LIN7A: variants seen among roughly 807,000 people sequenced by gnomAD.
LIN7A encodes protein lin-7 homolog A.
A neutral mutation model predicts 29.8 loss-of-function variants in LIN7A; 25 were observed. The ratio of observed to expected loss-of-function variants is 0.84; its 90% CI spans 0.61 to 1.17. The LOEUF (loss-of-function observed/expected upper bound fraction) is 1.17, where lower values mean the gene tolerates loss of function less well. Ranked by LOEUF, LIN7A falls within the 50% of genes most tolerant of loss-of-function variation. The probability of loss-of-function intolerance (pLI) is 0.00; values close to 1 mark genes in which losing one functional copy is unlikely to be tolerated. For synonymous variants in LIN7A, 118 were observed against 107.5 expected, an observed-to-expected ratio of 1.10 and a Z score of -0.60; for missense variants, 239 against 287.0, an observed-to-expected ratio of 0.83 and a Z score of 1.21.
At chr12:80,920,898 G>A (rs1158960080) in intron 1 of LIN7A, among the ~76,000 whole-genome samples, 2 of 152,158 alleles carry the variant, frequency 1.3e-5, no homozygotes, top group African/African-American at 4.8e-5. Context: ...ATGCTATCTA[G>A]TTCTAATATC....
At chr12:80,937,600 A>G (rs957819206) in intron 1 of LIN7A, 41 bp downstream of exon 1, 1 of 1,341,830 alleles carries the variant, frequency 7.5e-7, no homozygotes, top group Non-Finnish European at 1.0e-6. Flanking sequence ...GGAGGAGGGG[A>G]GAGGGGACGC....
chr12:80,905,000 C>T (rs1027380506), intron 1 of LIN7A, among the ~76,000 whole-genome samples: 5 of 151,592 alleles, frequency 3.3e-5, no homozygotes, highest in African/African-American at 9.7e-5. Flanking sequence ...TTATTACTTG[C>T]TTTTATCTGT....
intron 2 of LIN7A, among the ~76,000 whole-genome samples, chr12:80,857,005 C>A (rs1173733900): frequency 1.3e-5 from 2 of 152,140 alleles, no homozygotes; most frequent in Non-Finnish European, 2.9e-5. Context: ...GAAGATCTGC[C>A]CGTGTGGTTG....
Position 80,845,941 on chromosome 12 carries a change from T to C in LIN7A, c.274-2A>G, listed in dbSNP as rs561591477. The C allele has an allele frequency of 6.6e-7, 1 of 1,509,124 alleles. No individual in the cohort carries two copies. The highest frequency in any genetic ancestry group is 8.8e-7 in the Non-Finnish European group (1 of 1,134,622). The allele number at this position is 1,509,124 out of a possible 1,614,324, so 93.5% of individuals were successfully genotyped here. ...AGCTGCAAAAGCTGCAACTGTTGCC[T>C]GAAAAAAAAAAAAAAAGATGGTCTT... On this transcript the variant is annotated splice_acceptor_variant, in intron 3 of 5. Coordinates refer to ENST00000552864, the MANE Select transcript of LIN7A (RefSeq NM_004664.4). LOFTEE classifies it high-confidence loss of function.
intron 4 of LIN7A, among the ~76,000 whole-genome samples, chr12:80,816,501 C>T (rs779871791): frequency 2.0e-5 from 3 of 150,596 alleles, no homozygotes; most frequent in Non-Finnish European, 4.4e-5. Flanking sequence ...ATATATGGAG[C>T]CTTCAAAAAG....
intron 2 of LIN7A, among the ~76,000 whole-genome samples, chr12:80,855,795 A>C (rs1565903293): frequency 6.6e-6 from 1 of 152,182 alleles, no homozygotes; most frequent in African/African-American, 2.4e-5. Context: ...ATAGAACTTA[A>C]GTCACCAACA....
At chr12:80,931,242 C>A (rs1378844468) in intron 1 of LIN7A, among the ~76,000 whole-genome samples, 3 of 152,160 alleles carry the variant, frequency 2.0e-5, no homozygotes, top group Admixed American at 6.5e-5. Flanking sequence ...TTTCAGGGCT[C>A]GGATGAATGA....
intron 4 of LIN7A, among the ~76,000 whole-genome samples, chr12:80,838,419 C>T (rs538447007): frequency 1.3e-5 from 2 of 152,272 alleles, no homozygotes; most frequent in Admixed American, 6.5e-5. Flanking sequence ...TTATTGTGAG[C>T]CAACTCAGAA....
intron 1 of LIN7A, among the ~76,000 whole-genome samples, chr12:80,929,883 A>G (rs1440774609): frequency 6.6e-6 from 1 of 152,096 alleles, no homozygotes; most frequent in African/African-American, 2.4e-5. Flanking sequence ...ATTTTCCTCA[A>G]AAATCACTTT....
At chr12:80,822,413 C>T (rs1871850330) in intron 4 of LIN7A, among the ~76,000 whole-genome samples, 1 of 152,072 alleles carries the variant, frequency 6.6e-6, no homozygotes, top group African/African-American at 2.4e-5. Flanking sequence ...CAAAAATTAG[C>T]TGGGTGTGAT....
intron 4 of LIN7A, 22 bp from the exon 5 acceptor site, chr12:80,811,705 T>C (rs781041870): frequency 7.6e-6 from 12 of 1,587,236 alleles, no homozygotes; most frequent in Middle Eastern, 1.7e-4. Flanking sequence ...ATGACACTTC[T>C]TAAAGGGAGG....
Position 80,878,134 on chromosome 12 carries a change from CAG to C in LIN7A, c.201+11115_201+11116del, listed in dbSNP as rs549141338. ...ACCCAATAATGACACTAACAGCCTT[CAG>C]AGTCATTATAGATGATTTTTAAGGG... On this transcript the variant is annotated intron_variant, in intron 2 of 5. Coordinates refer to ENST00000552864, the MANE Select transcript of LIN7A (RefSeq NM_004664.4). Among the ~76,000 whole-genome samples the C allele has an allele frequency of 1.5e-3, 234 of 152,278 alleles. 1 individual carries two copies. Among genetic ancestry groups the C allele is most frequent in the Middle Eastern group, 3.4e-3 (1 of 294 alleles).
At chr12:80,929,975 C>T (rs1456531737) in intron 1 of LIN7A, among the ~76,000 whole-genome samples, 2 of 152,128 alleles carry the variant, frequency 1.3e-5, no homozygotes, top group Non-Finnish European at 2.9e-5. Flanking sequence ...CTATGTTTCT[C>T]CATCTATCTT....
intron 2 of LIN7A, among the ~76,000 whole-genome samples, chr12:80,851,636 T>C (rs1873339119): frequency 1.3e-5 from 2 of 152,182 alleles, no homozygotes; most frequent in African/African-American, 4.8e-5. Flanking sequence ...CCAGATACCC[T>C]GAGAGAGTTC....
At chr12:80,927,947 A>G (rs1877694598) in intron 1 of LIN7A, among the ~76,000 whole-genome samples, 1 of 152,070 alleles carries the variant, frequency 6.6e-6, no homozygotes, top group Admixed American at 6.5e-5. Context: ...TATGAGTGAG[A>G]ATATGCGGTG....
intron 5 of LIN7A, among the ~76,000 whole-genome samples, chr12:80,809,962 T>C (rs2121512722): frequency 6.6e-6 from 1 of 152,338 alleles, no homozygotes; most frequent in South Asian, 2.1e-4. Flanking sequence ...TGTGGAATGA[T>C]CAAATCAGGC....
At chr12:80,923,762 C>A (rs959470432) in intron 1 of LIN7A, among the ~76,000 whole-genome samples, 1 of 152,188 alleles carries the variant, frequency 6.6e-6, no homozygotes, top group African/African-American at 2.4e-5. Flanking sequence ...GACCTATGCA[C>A]TTGCTGTTGA....
chr12:80,809,558 G>T (rs936282275), intron 5 of LIN7A, among the ~76,000 whole-genome samples: 1 of 152,156 alleles, frequency 6.6e-6, no homozygotes, highest in African/African-American at 2.4e-5. Flanking sequence ...AAAAGGAAAA[G>T]AATTCTATGT....
At chr12:80,823,238 C>A (rs573073728) in intron 4 of LIN7A, among the ~76,000 whole-genome samples, 1 of 152,344 alleles carries the variant, frequency 6.6e-6, no homozygotes, top group African/African-American at 2.4e-5. Flanking sequence ...CTCAAACATG[C>A]CCCTTGCTCA....
Sources: allele counts gnomAD v4.1 joint callset (sites outside exome capture counted in the v4.1 genomes callset), GRCh38; gene constraint gnomAD v4.1.1; transcripts MANE v1.5; gene names NCBI Gene and HGNC (gene_info 2026-07-23, HGNC 2026-07-21).